Variants in IL17RE observed in about 807,000 individuals in gnomAD.
The protein encoded by IL17RE is interleukin 17 receptor E, also known as interleukin-17 receptor E.
Under a neutral mutation model 70.7 loss-of-function variants are expected in IL17RE, and 47 were observed. That is an observed-to-expected ratio of 0.67 (90% confidence interval 0.53 to 0.85). The LOEUF (loss-of-function observed/expected upper bound fraction) is 0.85, where lower values mean the gene tolerates loss of function less well. IL17RE is among the 40% of genes least tolerant of loss of function. The probability of loss-of-function intolerance (pLI) is 0.00; values close to 1 mark genes in which losing one functional copy is unlikely to be tolerated. For synonymous variants in IL17RE, 372 were observed against 381.2 expected (o/e 0.98, Z 0.28); for missense variants, 850 against 893.9 (o/e 0.95, Z 0.63).
intron 13 of IL17RE, chr3:9,914,337 G>A: frequency 1.5e-6 from 2 of 1,357,938 alleles, no homozygotes; most frequent in Non-Finnish European, 1.9e-6. Context: ...TCAACTTTGA[G>A]TTTACTTTTT....
rs758361748 is a variant in IL17RE, at chr3:9,914,782, G to C, written c.1447+5G>C. On this transcript the variant is annotated splice_donor_5th_base_variant and intron_variant, in intron 15 of 15. Transcript: ENST00000383814. ...CCTGCCGGCGCCCACAGTCAGGTAA[G>C]CTCACCTGGGGTAACCTGGGAAGTC... 70 of 1,612,502 alleles carry C rather than the reference G, an allele frequency of 4.3e-5. No homozygotes were observed. The highest frequency in any genetic ancestry group is 1.7e-4 in the Middle Eastern group (1 of 5,746).
intron 12 of IL17RE, among the ~76,000 whole-genome samples, chr3:9,912,000 G>A (rs1023495450): frequency 3.9e-5 from 6 of 152,166 alleles, no homozygotes; most frequent in East Asian, 1.9e-4. Flanking sequence ...TCCGTGAGCC[G>A]CAGACCAGTA....
intron 2 of IL17RE, 74 bp from the exon 3 acceptor site, chr3:9,903,958 T>G (rs1364840998): frequency 6.3e-7 from 1 of 1,583,906 alleles, no homozygotes; most frequent in African/African-American, 1.3e-5. Context: ...GAGCTTGGCC[T>G]CAAATCCAGC....
At position 9,910,996 on chromosome 3, in the gene IL17RE, C is replaced by T; in HGVS notation, c.934C>T (p.Leu312Phe). Residue 312 changes from leucine (L) to phenylalanine (F), a missense_variant, in exon 9 of 16, where the codon CTT becomes TTT. Coordinates refer to ENST00000383814, the MANE Select transcript of IL17RE (RefSeq NM_153480.2). ...CTGCCAGAGGCACGACTGGCATACCCTTTGCAAAGACCTCCCGAATGCCAC... is the reference window on the plus strand; with the variant it reads ...CTGCCAGAGGCACGACTGGCATACCTTTTGCAAAGACCTCCCGAATGCCAC... ...ALCQRHDWHTLCKDLPNATAR... is the reference protein window; with the variant it reads ...ALCQRHDWHTFCKDLPNATAR... The T allele has an allele frequency of 6.2e-7, 1 of 1,614,190 alleles. No individual in the cohort carries two copies. The highest frequency in any genetic ancestry group is 2.2e-5 in the East Asian group (1 of 44,876).
chr3:9,911,871 G>A (rs1352752483), intron 12 of IL17RE: 5 of 313,570 alleles, frequency 1.6e-5, no homozygotes, highest in African/African-American at 8.8e-5. Context: ...GCGCGATCTC[G>A]GCTCACTGCA....
chr3:9,903,184 C>G, intron 1 of IL17RE, 120 bp downstream of exon 1: 1 of 1,034,996 alleles, frequency 9.7e-7, no homozygotes, highest in Admixed American at 2.0e-5. Flanking sequence ...TTGATGTGTC[C>G]TCTACCTAGT....
intron 3 of IL17RE, among the ~76,000 whole-genome samples, chr3:9,905,152 G>A (rs1049985234): frequency 6.8e-6 from 1 of 147,476 alleles, no homozygotes; most frequent in East Asian, 2.0e-4. Flanking sequence ...CTAATTGTTT[G>A]TTGTTAGAAA....
chr3:9,915,880 C>A lies in IL17RE; in HGVS notation c.*73C>A, dbSNP rs965638331. ...ACACTGGCTGGAACCCCGGAATGAG[C>A]CTTCGACCCTGAAATCCTTGGGGTG... On this transcript the variant is annotated 3_prime_UTR_variant, in exon 16 of 16. Transcript: ENST00000383814. The surrounding 1 kb of genome is among the most constrained non-coding windows in gnomAD (Gnocchi z 4.9). 14 of 1,428,406 alleles carry A rather than the reference C, an allele frequency of 9.8e-6. No individual in the cohort carries two copies. Among genetic ancestry groups the A allele is most frequent in the East Asian group, 2.7e-5 (1 of 36,370 alleles). 88.5% of individuals were successfully genotyped at this position (1,428,406 alleles called of 1,614,324 possible).
At position 9,915,267 on chromosome 3, in the gene IL17RE, GC is replaced by G; in HGVS notation, c.1466del (p.Pro489GlnfsTer34). 7.2e-7 allele frequency: 1 copy of G among 1,397,620 alleles called. No homozygotes were observed. The highest frequency in any genetic ancestry group is 9.2e-7 in the Non-Finnish European group (1 of 1,083,582). The allele number at this position is 1,397,620 out of a possible 1,614,324, so 86.6% of individuals were successfully genotyped here. A position where few individuals can be genotyped will look rare whatever the true frequency, so the allele number is the denominator to read the frequency against. On this transcript the variant is annotated frameshift_variant, in exon 16 of 16. Coordinates refer to ENST00000383814, the MANE Select transcript of IL17RE (RefSeq NM_153480.2). LOFTEE classifies it low-confidence loss of function (END_TRUNC). The surrounding 1 kb of genome is among the most constrained non-coding windows in gnomAD (Gnocchi z 4.9). ...RPQSGPGPAR[P>X]VLLLHAADSE... ...CGCCACCAGGCCCGGGCCCAGCGCG[GC>G]CAGTGCTCCTCCTGCACGCGGCGGA...
intron 1 of IL17RE, 97 bp from the exon 2 acceptor site, chr3:9,903,300 G>A (rs2082679052): frequency 2.9e-6 from 4 of 1,389,166 alleles, no homozygotes; most frequent in Non-Finnish European, 4.1e-6. Flanking sequence ...CTCAGAATTT[G>A]CTGATTTGAA....
At position 9,915,671 on chromosome 3, in the gene IL17RE, T is replaced by A; in HGVS notation, c.1868T>A (p.Leu623Gln). The A allele has an allele frequency of 7.2e-7, 1 of 1,391,930 alleles. No homozygotes were observed. Among genetic ancestry groups the A allele is most frequent in the Non-Finnish European group, 9.2e-7 (1 of 1,082,876 alleles). 86.2% of individuals were successfully genotyped at this position (1,391,930 alleles called of 1,614,324 possible). A position where few individuals can be genotyped will look rare whatever the true frequency, so the allele number is the denominator to read the frequency against. Reference protein sequence around the residue: ...YRLLRDLPRLLRALDARPFAE... With the variant: ...YRLLRDLPRLQRALDARPFAE... ...CTGCTGCGCGACCTGCCGCGTCTGC[T>A]GCGGGCGCTGGACGCGCGGCCTTTC... is the stretch of plus-strand genomic sequence containing the variant. The change falls in exon 16 of 16, where the codon CTG becomes CAG. Residue 623 changes from leucine to glutamine, a missense_variant. Physicochemically the swap from Leu to Gln is moderately radical, Grantham distance 113. Coordinates refer to ENST00000383814, the MANE Select transcript of IL17RE (RefSeq NM_153480.2). This position sits in a 1 kb window ranked among gnomAD's most constrained non-coding sequence, Gnocchi z 4.9.
chr3:9,906,719 C>CTCG lies in IL17RE; in HGVS notation c.386_388dup (p.Arg129dup). 6.2e-7 allele frequency: 1 copy of CTCG among 1,614,212 alleles called. No homozygotes were observed. On this transcript the variant is annotated inframe_insertion, in exon 5 of 16. Transcript: ENST00000383814. Reference sequence around the variant, plus strand: ...CTCTGCCTTTAGAGGAAGCTGCTGCCTCGTCGTCACCTGTCTGAGAAGAGC... The same window carrying CTCG: ...CTCTGCCTTTAGAGGAAGCTGCTGCCTCGTCGTCGTCACCTGTCTGAGAAGAGC...
At position 9,911,564 on chromosome 3, in the gene IL17RE, C is replaced by T. The variant is rs150541120; in HGVS notation, c.1194C>T (p.Asp398=). The T allele has an allele frequency of 1.9e-6, 3 of 1,614,106 alleles. No homozygotes were observed. The highest frequency in any genetic ancestry group is 1.7e-6 in the Non-Finnish European group (2 of 1,179,978). The change falls in exon 12 of 16, where the codon GAC becomes GAT. Residue 398 remains aspartate (D), a synonymous_variant. Transcript: ENST00000383814. ...AAWSLPGLGQ[D]TLVPPVYTVS... is the part of the protein sequence containing the mutation. ...GGAGCCTCCCAGGCTTGGGGCAGGA[C>T]ACTTTGGTGCCCCCCGTGTACACTG...
chr3:9,906,092 A>T (rs1443094668), intron 3 of IL17RE, among the ~76,000 whole-genome samples: 2 of 151,672 alleles, frequency 1.3e-5, no homozygotes, highest in Non-Finnish European at 2.9e-5. Flanking sequence ...TCCACTAAAG[A>T]TACAAAATTA....
rs2082978093 is a variant in IL17RE, at chr3:9,914,877, ATC to A, written c.1447+104_1447+105del. On this transcript the variant is annotated intron_variant, in intron 15 of 15. Transcript: ENST00000383814. Reference sequence around the variant, plus strand: ...GTCTGAGCTCTCAGCACTGCACCCAATCTCTGTTACCCAGGCAGGGAGCCTCA... The same window carrying A: ...GTCTGAGCTCTCAGCACTGCACCCAATCTGTTACCCAGGCAGGGAGCCTCA... 3.0e-6 allele frequency: 3 copies of A among 1,003,988 alleles called. No homozygotes were observed. In the South Asian group the frequency reaches 4.3e-5, roughly 14 times the overall value. 62.2% of individuals were successfully genotyped at this position (1,003,988 alleles called of 1,614,324 possible).
intron 12 of IL17RE, 178 bp downstream of exon 12, chr3:9,911,775 T>A: frequency 3.6e-6 from 2 of 550,494 alleles, no homozygotes; most frequent in Non-Finnish European, 6.2e-6. Flanking sequence ...AGTAGGTTCC[T>A]CAAGGGAGCA....
rs771748630 is a variant in IL17RE, at chr3:9,904,056, G to A, written c.173G>A (p.Arg58His). ...FTGSSAYIPC[R>H]TWWALFSTKP... is the part of the protein sequence containing the mutation. ...GGAAGTTCTGCCTATATCCCTTGCC[G>A]CACCTGGTGGGCCCTCTTCTCCACA... The change falls in exon 3 of 16, where the codon CGC (arginine) becomes CAC (histidine). Residue 58 changes from arginine (R) to histidine (H), a missense_variant. Physicochemically the swap from Arg to His is conservative, Grantham distance 29 (BLOSUM62 0). Transcript: ENST00000383814. 39 of 1,613,960 alleles carry A rather than the reference G, an allele frequency of 2.4e-5. No individual in the cohort carries two copies. In the Admixed American group the frequency reaches 2.7e-4, roughly 11 times the overall value.
At chr3:9,913,916 A>G in intron 12 of IL17RE, 40 bp from the exon 13 acceptor site, 1 of 1,548,242 alleles carries the variant, frequency 6.5e-7, no homozygotes, top group Non-Finnish European at 8.9e-7. Flanking sequence ...GGCCAGATTC[A>G]CCTCCCTGGG....
chr3:9,910,723 T>C, intron 8 of IL17RE, 142 bp from the exon 9 acceptor site: 1 of 653,876 alleles, frequency 1.5e-6, no homozygotes. Context: ...AAAGGGATGC[T>C]CATTGATTTA....
Sources: gnomAD v4.1 joint callset for allele counts (sites outside exome capture counted in the v4.1 genomes callset) on GRCh38, gnomAD v4.1.1 for gene constraint, Gnocchi (gnomAD v3.1) non-coding constraint, MANE v1.5 for transcripts, NCBI Gene and HGNC (gene_info 2026-07-23, HGNC 2026-07-21) for gene names.